Variants in SCMH1 observed in about 807,000 individuals in gnomAD.
SCMH1 encodes the protein polycomb protein SCMH1.
SCMH1 carries 37 observed loss-of-function variants against 70.8 expected under a neutral mutation model. The observed-to-expected ratio is 0.52, with a 90% confidence interval of 0.40 to 0.69. SCMH1 has a LOEUF of 0.69. SCMH1 is among the 30% of genes least tolerant of loss of function. The pLI, the probability that SCMH1 is intolerant of heterozygous loss-of-function variation, is 0.00. For synonymous variants in SCMH1, 292 were observed against 307.4 expected, an observed-to-expected ratio of 0.95 and a Z score of 0.52; for missense variants, 607 against 827.3, an observed-to-expected ratio of 0.73 and a Z score of 3.27.
At position 41,176,200 on chromosome 1, in the gene SCMH1, CA is replaced by C. The variant is rs764569782; in HGVS notation, c.13+9920del. On this transcript the variant is annotated intron_variant, in intron 2 of 14. Coordinates refer to ENST00000337495, the Ensembl canonical transcript of SCMH1. ...AAAACCAAAAAAAACAAAAAAAAAA[CA>C]AAAAAAAAAAAGGAAAGAAAGAGGA... Among the ~76,000 whole-genome samples, 394 of 101,316 alleles carry C rather than the reference CA, an allele frequency of 3.9e-3. 1 individual carries two copies. Among genetic ancestry groups the C allele is most frequent in the Middle Eastern group, 0.011 (2 of 184 alleles). 66.5% of individuals were successfully genotyped at this position (101,316 alleles called of 152,430 possible). A position where few individuals can be genotyped will look rare whatever the true frequency, so the allele number is the denominator to read the frequency against.
intron 1 of SCMH1, among the ~76,000 whole-genome samples, chr1:41,206,333 G>C (rs1056236960): frequency 2.6e-5 from 4 of 152,198 alleles, no homozygotes; most frequent in African/African-American, 9.6e-5. Flanking sequence ...AGAATAAACA[G>C]TGTAGAGAAG....
intron 1 of SCMH1, among the ~76,000 whole-genome samples, chr1:41,202,039 C>A (rs1361445626): frequency 6.6e-6 from 1 of 151,958 alleles, no homozygotes; most frequent in African/African-American, 2.4e-5. Context: ...GGTTATTTAG[C>A]TTTTTGAGTT....
At chr1:41,212,189 G>A (rs556072246) in intron 1 of SCMH1, among the ~76,000 whole-genome samples, 28 of 151,994 alleles carry the variant, frequency 1.8e-4, no homozygotes, top group Middle Eastern at 3.4e-3. Flanking sequence ...AAAACAAGTC[G>A]GGCACTTTAG....
chr1:41,175,934 T>C (rs1242446512), intron 2 of SCMH1, among the ~76,000 whole-genome samples: 1 of 151,976 alleles, frequency 6.6e-6, no homozygotes, highest in Middle Eastern at 3.2e-3. Context: ...TTTTCATAAT[T>C]AGAAAACATA....
At chr1:41,104,053 T>C (rs1454854824) in intron 8 of SCMH1, among the ~76,000 whole-genome samples, 3 of 152,228 alleles carry the variant, frequency 2.0e-5, no homozygotes, top group Non-Finnish European at 4.4e-5. Context: ...CTTTCCTGGC[T>C]CTGCGTGCAG....
intron 2 of SCMH1, 151 bp from the exon 3 acceptor site, chr1:41,161,583 G>T: frequency 1.2e-6 from 1 of 864,918 alleles, no homozygotes; most frequent in Non-Finnish European, 1.6e-6. Context: ...CAAGAAAAAG[G>T]TTTTATGTAA....
At chr1:41,094,883 T>C (rs1012446689) in intron 8 of SCMH1, among the ~76,000 whole-genome samples, 1 of 149,860 alleles carries the variant, frequency 6.7e-6, no homozygotes, top group African/African-American at 2.5e-5. Flanking sequence ...AGTGAGACTC[T>C]GCCTCAAAAA....
chr1:41,221,705 T>C (rs912362219), intron 1 of SCMH1, among the ~76,000 whole-genome samples: 7 of 151,102 alleles, frequency 4.6e-5, no homozygotes, highest in African/African-American at 1.7e-4. Context: ...CTGGCCAACA[T>C]GGCGAAACCC....
chr1:41,077,886 T>G (rs1437114109), intron 8 of SCMH1, among the ~76,000 whole-genome samples: 3 of 151,778 alleles, frequency 2.0e-5, no homozygotes, highest in African/African-American at 7.3e-5. Flanking sequence ...CATAACAGAG[T>G]CAAAACAGTG....
intron 1 of SCMH1, among the ~76,000 whole-genome samples, chr1:41,204,851 A>C (rs1226445188): frequency 1.3e-5 from 2 of 152,190 alleles, no homozygotes; most frequent in Non-Finnish European, 2.9e-5. Context: ...GCCTGGTGTA[A>C]GAGGAGATAC....
intron 11 of SCMH1, 130 bp from the exon 12 acceptor site, chr1:41,046,728 T>TCCTCCCTCCCTCCCTTTAACTC: frequency 1.4e-6 from 1 of 710,568 alleles, no homozygotes; most frequent in East Asian, 2.7e-5. Flanking sequence ...GCCCCACGTT[T>TCCTCCCTCCCTCCCTTTAACTC]CCTCCCTCCC....
intron 6 of SCMH1, among the ~76,000 whole-genome samples, chr1:41,140,187 G>T (rs1277165360): frequency 1.3e-5 from 2 of 152,058 alleles, no homozygotes; most frequent in Non-Finnish European, 2.9e-5. Flanking sequence ...GTTTTGTTGT[G>T]GTACAAAGGA....
chr1:41,069,701 G>C (rs764004913), intron 10 of SCMH1, among the ~76,000 whole-genome samples: 1 of 152,172 alleles, frequency 6.6e-6, no homozygotes, highest in East Asian at 1.9e-4. Context: ...AGACAGGGAA[G>C]TGATATCAAA....
intron 9 of SCMH1, among the ~76,000 whole-genome samples, chr1:41,072,839 T>G (rs115236853): frequency 0.025 from 3,854 of 152,274 alleles, 81 homozygotes; most frequent in South Asian, 0.1. Flanking sequence ...GCACTCAGCC[T>G]GGGTCACAGA....
chr1:41,151,716 C>G (rs780104346), intron 4 of SCMH1, 32 bp from the exon 5 acceptor site: 2 of 1,508,738 alleles, frequency 1.3e-6, no homozygotes, highest in Non-Finnish European at 1.8e-6. Context: ...ATATCACAGT[C>G]AACTTCCTAA....
At chr1:41,208,440 A>AT (rs1322629778) in intron 1 of SCMH1, among the ~76,000 whole-genome samples, 7 of 133,204 alleles carry the variant, frequency 5.3e-5, no homozygotes, top group African/African-American at 1.2e-4. Context: ...AAAATTAAAA[A>AT]AAAAAAATAA....
intron 8 of SCMH1, among the ~76,000 whole-genome samples, chr1:41,104,355 T>C (rs537978641): frequency 1.4e-4 from 22 of 152,250 alleles, no homozygotes; most frequent in African/African-American, 5.1e-4. Flanking sequence ...CGTGTGTTTA[T>C]GGAAGGAGGA....
At chr1:41,221,922 A>AAG in intron 1 of SCMH1, among the ~76,000 whole-genome samples, 1 of 130,536 alleles carries the variant, frequency 7.7e-6, no homozygotes, top group South Asian at 2.5e-4. Context: ...AAAAAAAAAA[A>AAG]GCTAGGAAAC....
intron 8 of SCMH1, among the ~76,000 whole-genome samples, chr1:41,109,736 G>T (rs1192473645): frequency 6.6e-6 from 1 of 152,144 alleles, no homozygotes; most frequent in African/African-American, 2.4e-5. Flanking sequence ...CAGAAGAGAG[G>T]AAAACAGTCA....
Sources: allele counts gnomAD v4.1 joint callset (sites outside exome capture counted in the v4.1 genomes callset), GRCh38; gene constraint gnomAD v4.1.1; transcripts MANE v1.5; gene names NCBI Gene and HGNC (gene_info 2026-07-23, HGNC 2026-07-21).